The following KCNJ3 variants were observed in gnomAD, a reference collection of about 807,000 sequenced individuals.
KCNJ3 encodes the protein potassium inwardly rectifying channel subfamily J member 3.
In KCNJ3, 4 loss-of-function variants were observed where a neutral mutation model predicts 39.2. That is an observed-to-expected ratio of 0.10 (90% CI 0.05 to 0.23). The LOEUF is 0.23. Ranked by LOEUF, KCNJ3 falls within the 10% of genes least tolerant of loss-of-function variation. The probability of loss-of-function intolerance (pLI) is 1.00; values close to 1 mark genes in which losing one functional copy is unlikely to be tolerated. For synonymous variants in KCNJ3, 230 were observed against 237.4 expected (o/e 0.97, Z 0.29); for missense variants, 276 against 634.9 (o/e 0.43, Z 6.08).
At position 154,755,288 on chromosome 2, in the gene KCNJ3, T is replaced by C. The variant is rs934116938; in HGVS notation, c.919+45469T>C. Among the ~76,000 whole-genome samples the C allele has an allele frequency of 2.0e-5, 3 of 152,208 alleles. No homozygotes were observed. In the South Asian group the frequency reaches 6.2e-4, roughly 32 times the overall value. ...TCTACTTCTTGAGATTGATTAACCG[T>C]ATTTGTTTAGCTTCTTGAGATGTAA... On this transcript the variant is annotated intron_variant, in intron 2 of 2. Coordinates refer to ENST00000295101, the MANE Select transcript of KCNJ3 (RefSeq NM_002239.4).
chr2:154,752,503 G>A (rs1250264479), intron 2 of KCNJ3, among the ~76,000 whole-genome samples: 1 of 151,984 alleles, frequency 6.6e-6, no homozygotes, highest in Non-Finnish European at 1.5e-5. Flanking sequence ...CTATAAGCTA[G>A]TAATTTACTA....
intron 2 of KCNJ3, among the ~76,000 whole-genome samples, chr2:154,748,794 T>G (rs1315301791): frequency 6.6e-6 from 1 of 152,114 alleles, no homozygotes; most frequent in Non-Finnish European, 1.5e-5. Context: ...ATCAACATAC[T>G]AGAAAACACA....
intron 2 of KCNJ3, among the ~76,000 whole-genome samples, chr2:154,804,155 T>C (rs1227855243): frequency 6.6e-6 from 1 of 152,072 alleles, no homozygotes; most frequent in Non-Finnish European, 1.5e-5. Flanking sequence ...ATAATATCTG[T>C]TTCAACGAGT....
chr2:154,759,578 T>A (rs2921439), intron 2 of KCNJ3, among the ~76,000 whole-genome samples: 75,677 of 151,208 alleles, frequency 0.5, 19,047 homozygotes, highest in African/African-American at 0.53. Context: ...TATAGATATA[T>A]ATAGATAGAT....
chr2:154,814,713 T>A (rs61389026), intron 2 of KCNJ3, among the ~76,000 whole-genome samples: 49 of 152,224 alleles, frequency 3.2e-4, no homozygotes, highest in Admixed American at 1.6e-3. Flanking sequence ...TATATAAAAT[T>A]TACAAAAATC....
In KCNJ3 at chr2:154,855,705, T is replaced by C. The variant is rs1043400891; in HGVS notation, c.*392T>C. On this transcript the variant is annotated 3_prime_UTR_variant, in exon 3 of 3. Coordinates refer to ENST00000295101, the MANE Select transcript of KCNJ3 (RefSeq NM_002239.4). ...TAAGCCAAACATGAGTGAATAGCTT[T>C]CAGGGCGATAAAACTAAATATATGT... The C allele has an allele frequency of 6.3e-6, 1 of 157,824 alleles. No homozygotes were observed. The highest frequency in any genetic ancestry group is 1.4e-5 in the Non-Finnish European group (1 of 71,126). The allele number at this position is 157,824 out of a possible 1,614,324, so 9.8% of individuals were successfully genotyped here.
chr2:154,839,642 G>A (rs981185709), intron 2 of KCNJ3, among the ~76,000 whole-genome samples: 5 of 152,144 alleles, frequency 3.3e-5, no homozygotes, highest in African/African-American at 1.2e-4. Context: ...GGCATGAGAT[G>A]GTATCTCATT....
At chr2:154,848,958 T>C (rs2105137510) in intron 2 of KCNJ3, among the ~76,000 whole-genome samples, 1 of 152,314 alleles carries the variant, frequency 6.6e-6, no homozygotes, top group Non-Finnish European at 1.5e-5. Flanking sequence ...TAACCAAAAG[T>C]TGACACTTTA....
intron 2 of KCNJ3, among the ~76,000 whole-genome samples, chr2:154,782,297 G>C (rs1686452038): frequency 6.6e-6 from 1 of 152,012 alleles, no homozygotes; most frequent in Non-Finnish European, 1.5e-5. Context: ...TATAAAATGG[G>C]GATAATAATA....
chr2:154,848,599 A>G (rs944624225), intron 2 of KCNJ3, among the ~76,000 whole-genome samples: 1 of 152,184 alleles, frequency 6.6e-6, no homozygotes, highest in African/African-American at 2.4e-5. Context: ...GCTACAATAA[A>G]TATCACTAAT....
rs114226860 is a variant in KCNJ3 at position 154,822,059 on chromosome 2, A to G, written c.920-32668A>G. On this transcript the variant is annotated intron_variant, in intron 2 of 2. Transcript: ENST00000295101. The stretch of plus-strand genomic sequence containing the variant: ...AAGTATGCCAATGTTACTGTTCACT[A>G]CCTATACAGTATTACACTTGCCAAA... Among the ~76,000 whole-genome samples the G allele has an allele frequency of 6.9e-3, 1,049 of 152,120 alleles. 14 individuals are homozygous for G. The highest frequency in any genetic ancestry group is 0.023 in the African/African-American group (971 of 41,480).
chr2:154,780,595 G>A (rs977542296), intron 2 of KCNJ3, among the ~76,000 whole-genome samples: 1 of 151,736 alleles, frequency 6.6e-6, no homozygotes, highest in African/African-American at 2.4e-5. Flanking sequence ...GTTAGCAAGA[G>A]TGAGGGGGGT....
intron 2 of KCNJ3, among the ~76,000 whole-genome samples, chr2:154,835,428 A>C (rs1687439834): frequency 2.0e-5 from 1 of 51,242 alleles, no homozygotes. Flanking sequence ...TTATATATGA[A>C]TATATAATAT....
At position 154,785,195 on chromosome 2, in the gene KCNJ3, G is replaced by GTGTT. The variant is rs373884155; in HGVS notation, c.920-69531_920-69528dup. On this transcript the variant is annotated intron_variant, in intron 2 of 2. Transcript: ENST00000295101. ...TAGCAAGATGTGTGGTAAAGTCATT[G>GTGTT]TGTTAGTTTGCTAGGCCTGTAGTAA... Among the ~76,000 whole-genome samples, 769 of 152,308 alleles carry GTGTT rather than the reference G, an allele frequency of 5.0e-3. 12 individuals are homozygous for GTGTT. The highest frequency in any genetic ancestry group is 0.017 in the African/African-American group (727 of 41,564).
intron 2 of KCNJ3, among the ~76,000 whole-genome samples, chr2:154,756,922 A>C (rs1164231098): frequency 6.6e-6 from 1 of 152,062 alleles, no homozygotes; most frequent in African/African-American, 2.4e-5. Context: ...GAGGATTTTG[A>C]CTGAAATACA....
Position 154,699,568 on chromosome 2 carries a change from C to G in KCNJ3, c.702+91C>G. On this transcript the variant is annotated intron_variant, in intron 1 of 2. Coordinates refer to ENST00000295101, the MANE Select transcript of KCNJ3 (RefSeq NM_002239.4). The surrounding 1 kb of genome is among the most constrained non-coding windows in gnomAD (Gnocchi z 6.4). The stretch of plus-strand genomic sequence containing the variant: ...CTGAGAACCAGCCCGGGCCCCCTCC[C>G]CTGGTTCTACCTATAGCCACAGGTA... 1 of 1,470,106 alleles carries G rather than the reference C, an allele frequency of 6.8e-7. No homozygotes were observed. Among genetic ancestry groups the G allele is most frequent in the Non-Finnish European group, 9.0e-7 (1 of 1,113,106 alleles). The allele number at this position is 1,470,106 out of a possible 1,614,324, so 91.1% of individuals were successfully genotyped here. A position where few individuals can be genotyped will look rare whatever the true frequency, so the allele number is the denominator to read the frequency against.
chr2:154,839,980 C>T (rs949131296), intron 2 of KCNJ3, among the ~76,000 whole-genome samples: 4 of 152,052 alleles, frequency 2.6e-5, no homozygotes, highest in Non-Finnish European at 5.9e-5. Context: ...GTTGCCATTG[C>T]TTTTGGTGTT....
chr2:154,835,763 G>A (rs1405927994), intron 2 of KCNJ3, among the ~76,000 whole-genome samples: 1 of 151,734 alleles, frequency 6.6e-6, no homozygotes, highest in Non-Finnish European at 1.5e-5. Context: ...TGAATATTAG[G>A]CAGTTTCATA....
chr2:154,857,886 C>CAAAAAAAAAAAAAAAAAAAAAAAAAA lies in KCNJ3; in HGVS notation c.*2589_*2614dup, dbSNP rs70983747. On this transcript the variant is annotated 3_prime_UTR_variant, in exon 3 of 3. Coordinates refer to ENST00000295101, the MANE Select transcript of KCNJ3 (RefSeq NM_002239.4). ...ACAGTGCGAGACTCCATCTCAACAT[C>CAAAAAAAAAAAAAAAAAAAAAAAAAA]AAAAAAAAAAAAAAAAAAAAAAAAA... 1.9e-4 allele frequency: 8 copies of CAAAAAAAAAAAAAAAAAAAAAAAAAA among 41,976 alleles called. No homozygotes were observed. The highest frequency in any genetic ancestry group is 2.5e-4 in the Non-Finnish European group (6 of 24,262). 2.6% of individuals were successfully genotyped at this position (41,976 alleles called of 1,614,324 possible). A position where few individuals can be genotyped will look rare whatever the true frequency, so the allele number is the denominator to read the frequency against.
Sources: allele counts gnomAD v4.1 joint callset (sites outside exome capture counted in the v4.1 genomes callset), GRCh38; gene constraint gnomAD v4.1.1; non-coding constraint Gnocchi (gnomAD v3.1); transcripts MANE v1.5; gene names NCBI Gene and HGNC (gene_info 2026-07-23, HGNC 2026-07-21).